The following FBXW8 variants were observed in gnomAD, a reference collection of about 807,000 sequenced individuals.
The protein encoded by FBXW8 is F-box and WD repeat domain containing 8, also known as F-box/WD repeat-containing protein 8.
FBXW8 carries 57 observed loss-of-function variants against 65.3 expected under a neutral mutation model. The ratio of observed to expected loss-of-function variants is 0.87; its 90% CI spans 0.71 to 1.09. The LOEUF (loss-of-function observed/expected upper bound fraction) is 1.09. FBXW8 is among the 50% of genes least tolerant of loss of function. The pLI is 0.00. For synonymous variants in FBXW8, 308 were observed against 330.2 expected, an observed-to-expected ratio of 0.93 and a Z score of 0.73; for missense variants, 777 against 814.8, an observed-to-expected ratio of 0.95 and a Z score of 0.57.
chr12:117,017,884 C>T (rs1393403249), intron 8 of FBXW8, among the ~76,000 whole-genome samples: 2 of 152,132 alleles, frequency 1.3e-5, no homozygotes, highest in East Asian at 1.9e-4. Flanking sequence ...TTGTGACCCC[C>T]CAATTACAGA....
At chr12:117,004,215 CT>C (rs1397216845) in intron 7 of FBXW8, among the ~76,000 whole-genome samples, 9 of 152,146 alleles carry the variant, frequency 5.9e-5, no homozygotes, top group African/African-American at 2.2e-4. Context: ...TAGAAATTCT[CT>C]GCTTTATTTT....
chr12:116,914,572 C>CAA (rs142680270), intron 1 of FBXW8, among the ~76,000 whole-genome samples: 2,528 of 82,704 alleles, frequency 0.031, 104 homozygotes, highest in South Asian at 0.1. Flanking sequence ...AACCCTGTCT[C>CAA]AAAAAAAAAA....
chr12:116,926,809 T>C (rs1881356935), intron 1 of FBXW8, among the ~76,000 whole-genome samples: 1 of 152,176 alleles, frequency 6.6e-6, no homozygotes, highest in Non-Finnish European at 1.5e-5. Flanking sequence ...CACATTTCCT[T>C]TTTATGCTCT....
At chr12:116,994,761 G>A (rs961114402) in intron 7 of FBXW8, among the ~76,000 whole-genome samples, 2 of 152,176 alleles carry the variant, frequency 1.3e-5, no homozygotes, top group African/African-American at 2.4e-5. Context: ...TTGTGGATGT[G>A]CTTTAATTAA....
chr12:117,002,308 T>G (rs1413327186), intron 7 of FBXW8, among the ~76,000 whole-genome samples: 2 of 152,240 alleles, frequency 1.3e-5, no homozygotes, highest in Non-Finnish European at 2.9e-5. Context: ...CTGAAATATC[T>G]TGGCCTCGTG....
chr12:116,911,133 C>A lies in FBXW8; in HGVS notation c.96C>A (p.Ala32=). The A allele has an allele frequency of 7.3e-7, 1 of 1,368,028 alleles. No individual in the cohort carries two copies. Among genetic ancestry groups the A allele is most frequent in the South Asian group, 1.8e-5 (1 of 56,156 alleles). 84.7% of individuals were successfully genotyped at this position (1,368,028 alleles called of 1,614,324 possible). The change falls in exon 1 of 11, where the codon GCC becomes GCA. Residue 32 remains alanine (A), a synonymous_variant. Coordinates refer to ENST00000652555, the MANE Select transcript of FBXW8 (RefSeq NM_153348.3). ...AGAAGCGGCGACGGCCCGAGGCTGC[C>A]GAGAGGCGGGCTCGGCGGCCGGAGG... The part of the protein sequence containing the change: ...APKKRRRPEA[A]ERRARRPEVG...
chr12:116,998,754 C>G (rs1953440584), intron 7 of FBXW8, among the ~76,000 whole-genome samples: 1 of 152,168 alleles, frequency 6.6e-6, no homozygotes, highest in Non-Finnish European at 1.5e-5. Flanking sequence ...ACTAGTGCTG[C>G]AGAAGAGGCT....
At chr12:116,921,122 A>G (rs1424499148) in intron 1 of FBXW8, among the ~76,000 whole-genome samples, 1 of 152,198 alleles carries the variant, frequency 6.6e-6, no homozygotes, top group African/African-American at 2.4e-5. Flanking sequence ...TCCTTGCCAG[A>G]GTCCCCAGGA....
chr12:116,928,004 CTTTT>C lies in FBXW8; in HGVS notation c.319-12_319-9del. The C allele has an allele frequency of 7.6e-7, 1 of 1,320,898 alleles. No homozygotes were observed. The highest frequency in any genetic ancestry group is 1.4e-5 in the South Asian group (1 of 71,888). 81.8% of individuals were successfully genotyped at this position (1,320,898 alleles called of 1,614,324 possible). On this transcript the variant is annotated splice_polypyrimidine_tract_variant and intron_variant, in intron 1 of 10. Transcript: ENST00000652555. ...ATATCTAAAAATTATAAACTTCTTT[CTTTT>C]TTTTTTCCCCTCAGAATGAAATGAA...
At chr12:117,010,217 G>C in intron 7 of FBXW8, 106 bp from the exon 8 acceptor site, 1 of 1,522,012 alleles carries the variant, frequency 6.6e-7, no homozygotes, top group Non-Finnish European at 9.0e-7. Flanking sequence ...ATCTTCACGG[G>C]AGCTCAGTGA....
intron 8 of FBXW8, among the ~76,000 whole-genome samples, chr12:117,021,310 G>C (rs1592968701): frequency 6.6e-6 from 1 of 152,148 alleles, no homozygotes; most frequent in African/African-American, 2.4e-5. Context: ...TTAATAATGG[G>C]TTGTCAGTCT....
intron 4 of FBXW8, 73 bp downstream of exon 4, chr12:116,949,779 A>G (rs1359638801): frequency 8.8e-6 from 12 of 1,358,668 alleles, no homozygotes; most frequent in Non-Finnish European, 1.3e-5. Context: ...CCCTCTGAGT[A>G]CCAGTGACCT....
intron 6 of FBXW8, among the ~76,000 whole-genome samples, chr12:116,988,358 C>T (rs962471724): frequency 6.6e-6 from 1 of 152,180 alleles, no homozygotes; most frequent in Non-Finnish European, 1.5e-5. Flanking sequence ...GGTTTTCCCT[C>T]CTTCACTTCC....
chr12:116,968,115 T>A (rs1189873850), intron 5 of FBXW8, among the ~76,000 whole-genome samples: 1 of 152,162 alleles, frequency 6.6e-6, no homozygotes, highest in African/African-American at 2.4e-5. Context: ...GTACTTGGTA[T>A]GTGTGAACAA....
chr12:116,927,997 C>A, intron 1 of FBXW8, 26 bp from the exon 2 acceptor site: 2 of 1,420,484 alleles, frequency 1.4e-6, no homozygotes, highest in Non-Finnish European at 1.9e-6. Context: ...AAATTATAAA[C>A]TTCTTTCTTT....
At chr12:116,996,407 A>T (rs6490102) in intron 7 of FBXW8, among the ~76,000 whole-genome samples, 118,084 of 151,974 alleles carry the variant, frequency 0.78, 47,066 homozygotes, top group Admixed American at 0.86. Context: ...GGAGAGCCTT[A>T]GGAATCAGAA....
intron 5 of FBXW8, among the ~76,000 whole-genome samples, chr12:116,975,520 G>T (rs373191975): frequency 6.6e-6 from 1 of 152,136 alleles, no homozygotes; most frequent in African/African-American, 2.4e-5. Context: ...ATGGTGGTAG[G>T]GGGGACACAA....
At chr12:116,962,955 C>T (rs2137386193) in intron 4 of FBXW8, among the ~76,000 whole-genome samples, 1 of 152,256 alleles carries the variant, frequency 6.6e-6, no homozygotes, top group South Asian at 2.1e-4. Flanking sequence ...GCTTGGAGAG[C>T]CTGGGGGCCA....
chr12:116,928,990 T>C (rs577591241), intron 2 of FBXW8, among the ~76,000 whole-genome samples: 1 of 152,174 alleles, frequency 6.6e-6, no homozygotes, highest in East Asian at 1.9e-4. Flanking sequence ...TTTGTATTTT[T>C]AGTAGAGATG....
Sources: gnomAD v4.1 joint callset for allele counts (sites outside exome capture counted in the v4.1 genomes callset) on GRCh38, gnomAD v4.1.1 for gene constraint, MANE v1.5 for transcripts, NCBI Gene and HGNC (gene_info 2026-07-23, HGNC 2026-07-21) for gene names.